ZNF407: variants seen among roughly 807,000 people sequenced by gnomAD.
ZNF407 encodes zinc finger protein 407.
A neutral mutation model predicts 131.2 loss-of-function variants in ZNF407; 17 were observed. The observed-to-expected ratio is 0.13, with a 90% CI of 0.09 to 0.19. The LOEUF is 0.19. ZNF407 is among the 10% of genes least tolerant of loss of function. ZNF407 has a pLI of 1.00. For synonymous variants in ZNF407, 1,156 were observed against 1,062.0 expected, an observed-to-expected ratio of 1.09 and a Z score of -1.72; for missense variants, 2,681 against 2,830.6, an observed-to-expected ratio of 0.95 and a Z score of 1.20.
chr18:74,905,058 T>G (rs7240002), intron 7 of ZNF407, among the ~76,000 whole-genome samples: 20 of 152,170 alleles, frequency 1.3e-4, no homozygotes, highest in Non-Finnish European at 2.8e-4. Context: ...GCACAGCTTT[T>G]TGTTACTGCT....
At chr18:75,010,207 A>G (rs1972957531) in intron 8 of ZNF407, among the ~76,000 whole-genome samples, 1 of 152,204 alleles carries the variant, frequency 6.6e-6, no homozygotes, top group South Asian at 2.1e-4. Context: ...TCCCAACCAC[A>G]TATTTCCCCC....
At chr18:74,949,829 G>A (rs538170907) in intron 8 of ZNF407, among the ~76,000 whole-genome samples, 1 of 152,272 alleles carries the variant, frequency 6.6e-6, no homozygotes, top group East Asian at 1.9e-4. Context: ...GTCAACACAA[G>A]GGCAGGCACT....
At chr18:74,607,500 G>A (rs1243936286) in intron 1 of ZNF407, among the ~76,000 whole-genome samples, 2 of 152,026 alleles carry the variant, frequency 1.3e-5, no homozygotes, top group East Asian at 1.9e-4. Flanking sequence ...AAGAAATGGA[G>A]TATTTCTCAC....
chr18:74,645,580 TA>T (rs1006839153), intron 3 of ZNF407, among the ~76,000 whole-genome samples: 3 of 152,100 alleles, frequency 2.0e-5, no homozygotes, highest in African/African-American at 7.2e-5. Context: ...ATGAACTGTT[TA>T]TTCCTAGTTG....
chr18:74,797,856 TTTCA>T (rs2145063314), intron 4 of ZNF407, among the ~76,000 whole-genome samples: 1 of 152,080 alleles, frequency 6.6e-6, no homozygotes, highest in South Asian at 2.1e-4. Context: ...GTTAGCCATA[TTTCA>T]TTAATTAAGG....
chr18:75,040,012 G>C (rs578094068), intron 8 of ZNF407, among the ~76,000 whole-genome samples: 1 of 152,112 alleles, frequency 6.6e-6, no homozygotes, highest in Non-Finnish European at 1.5e-5. Flanking sequence ...CAGCTACCTT[G>C]TTGGTCTCTC....
chr18:74,992,741 A>C (rs1324859920), intron 8 of ZNF407, among the ~76,000 whole-genome samples: 1 of 151,642 alleles, frequency 6.6e-6, no homozygotes, highest in Non-Finnish European at 1.5e-5. Flanking sequence ...GGCCCTTTGC[A>C]TAGAAGTCTC....
At position 74,633,956 on chromosome 18, in the gene ZNF407, A is replaced by G. The variant is rs374461272; in HGVS notation, c.2937A>G (p.Gly979=). 4.3e-6 allele frequency: 7 copies of G among 1,614,022 alleles called. No homozygotes were observed. In the African/African-American group the frequency reaches 6.7e-5, roughly 15 times the overall value. ...EVENVFHSLD[G]EVNSHLLDKK... is the part of the protein sequence containing the mutation. ...AAAATGTATTTCATTCTCTAGATGG[A>G]GAAGTTAACAGCCATCTTCTTGATA... Residue 979 remains glycine (G), a synonymous_variant, in exon 2 of 9, where the codon GGA becomes GGG. Transcript: ENST00000299687.
rs986295306 is a variant in ZNF407 at position 74,744,876 on chromosome 18, A to G, written c.4803-36552A>G. ...TCCTACTTGATTTTATAGCTTTACC[A>G]TGGATGGACTGGTAGTTTTAATTTT... On this transcript the variant is annotated intron_variant, in intron 3 of 8. Transcript: ENST00000299687. Among the ~76,000 whole-genome samples, 10 of 152,204 alleles carry G rather than the reference A, an allele frequency of 6.6e-5. 1 individual carries two copies. The highest frequency in any genetic ancestry group is 3.4e-3 in the Middle Eastern group (1 of 294).
In ZNF407 at chr18:74,634,764, C is replaced by T. The variant is rs1252003761; in HGVS notation, c.3745C>T (p.Leu1249=). 3.1e-6 allele frequency: 5 copies of T among 1,613,932 alleles called. No individual in the cohort carries two copies. Among genetic ancestry groups the T allele is most frequent in the Non-Finnish European group, 4.2e-6 (5 of 1,179,914 alleles). The change falls in exon 2 of 9, where the codon CTG becomes TTG. Residue 1249 remains leucine, a synonymous_variant. Transcript: ENST00000299687. ...TGGAGGTGTTGTCCCCCACAGACAC[C>T]TGTGCCCTGTGACGCTCGATGGGGA... ...DGGGVVPHRH[L]CPVTLDGERS...
At chr18:75,059,938 C>A (rs569197796) in intron 8 of ZNF407, among the ~76,000 whole-genome samples, 1 of 152,182 alleles carries the variant, frequency 6.6e-6, no homozygotes, top group Non-Finnish European at 1.5e-5. Flanking sequence ...CGGGTTGTTT[C>A]TTCTGCAAAT....
intron 4 of ZNF407, 24 bp downstream of exon 4, chr18:74,781,526 A>C (rs539300600): frequency 6.8e-7 from 1 of 1,462,380 alleles, no homozygotes; most frequent in Non-Finnish European, 9.1e-7. Flanking sequence ...TTTTTTTTTC[A>C]TTTAAAAATA....
intron 4 of ZNF407, among the ~76,000 whole-genome samples, chr18:74,837,915 A>T (rs978246908): frequency 6.6e-6 from 1 of 152,168 alleles, no homozygotes; most frequent in Non-Finnish European, 1.5e-5. Flanking sequence ...TGGCCTTCCA[A>T]AGTGTTGGGA....
Position 74,725,902 on chromosome 18 carries a change from A to G in ZNF407, c.4803-55526A>G, listed in dbSNP as rs147800397. 9.9e-5 allele frequency among the ~76,000 whole-genome samples: 15 copies of G among 152,246 alleles called. No individual in the cohort carries two copies. In the East Asian group the frequency reaches 2.7e-3, roughly 27 times the overall value. On this transcript the variant is annotated intron_variant, in intron 3 of 8. Coordinates refer to ENST00000299687, the MANE Select transcript of ZNF407 (RefSeq NM_017757.3). ...GCAACTTCTTTTTGTGGATTGGCCT[A>G]TCGACATCCTTATTGGATGTTGATT...
At chr18:75,020,502 G>A (rs1180791271) in intron 8 of ZNF407, among the ~76,000 whole-genome samples, 1 of 152,166 alleles carries the variant, frequency 6.6e-6, no homozygotes, top group African/African-American at 2.4e-5. Flanking sequence ...CCTATCGGAA[G>A]AAGGAAAGTT....
At chr18:74,709,039 T>G (rs1278248290) in intron 3 of ZNF407, among the ~76,000 whole-genome samples, 3 of 152,212 alleles carry the variant, frequency 2.0e-5, no homozygotes, top group Non-Finnish European at 4.4e-5. Context: ...TTTGATCCTT[T>G]AGGAAAATAA....
rs1171882859 is a variant in ZNF407 at position 74,791,463 on chromosome 18, A to G, written c.4877+9961A>G. ...AGACATAGCATTGGGCAGTAAGCCT[A>G]TCGTGGAAGAAGGCTGGTCAAGGTG... On this transcript the variant is annotated intron_variant, in intron 4 of 8. Coordinates refer to ENST00000299687, the MANE Select transcript of ZNF407 (RefSeq NM_017757.3). 3.3e-5 allele frequency among the ~76,000 whole-genome samples: 5 copies of G among 152,312 alleles called. No homozygotes were observed. In the East Asian group the frequency reaches 9.7e-4, roughly 29 times the overall value.
chr18:74,870,439 C>A (rs144553743), intron 4 of ZNF407, among the ~76,000 whole-genome samples: 2 of 152,222 alleles, frequency 1.3e-5, no homozygotes, highest in East Asian at 1.9e-4. Flanking sequence ...TTTCAACTTT[C>A]GTCTTGAAGC....
chr18:75,058,376 G>A lies in ZNF407; in HGVS notation c.5429-4774G>A, dbSNP rs528772168. 1.9e-3 allele frequency among the ~76,000 whole-genome samples: 291 copies of A among 152,278 alleles called. 2 individuals are homozygous for A. The highest frequency in any genetic ancestry group is 6.7e-3 in the African/African-American group (278 of 41,552). On this transcript the variant is annotated intron_variant, in intron 8 of 8. Coordinates refer to ENST00000299687, the MANE Select transcript of ZNF407 (RefSeq NM_017757.3). Reference sequence around the variant, plus strand: ...GGGAGTAAAATATCTTTGTGCTCACGAACGCAAACGGGCAGAAAGTGAGGA... The same window carrying A: ...GGGAGTAAAATATCTTTGTGCTCACAAACGCAAACGGGCAGAAAGTGAGGA...
Sources: gnomAD v4.1 joint callset for allele counts (sites outside exome capture counted in the v4.1 genomes callset) on GRCh38, gnomAD v4.1.1 for gene constraint, MANE v1.5 for transcripts, NCBI Gene and HGNC (gene_info 2026-07-23, HGNC 2026-07-21) for gene names.